TEX2: variants seen among roughly 807,000 people sequenced by gnomAD.
TEX2 encodes testis expressed 2, also known as testis-expressed protein 2.
A neutral mutation model predicts 106.9 loss-of-function variants in TEX2; 53 were observed. The observed-to-expected ratio is 0.50, with a 90% confidence interval of 0.40 to 0.62. The LOEUF is 0.62. TEX2 is among the 20% of genes least tolerant of loss of function. The pLI is 0.00. For synonymous variants in TEX2, 523 were observed against 534.8 expected (o/e 0.98, Z 0.30); for missense variants, 1,207 against 1,379.0 (o/e 0.88, Z 1.98).
chr17:64,192,097 A>T (rs1464066682), intron 4 of TEX2, among the ~76,000 whole-genome samples: 1 of 152,214 alleles, frequency 6.6e-6, no homozygotes, highest in Non-Finnish European at 1.5e-5. Context: ...GAAGCAGCAC[A>T]GGTTTAGACC....
intron 1 of TEX2, among the ~76,000 whole-genome samples, chr17:64,257,028 G>A (rs1318079388): frequency 6.6e-6 from 1 of 152,198 alleles, no homozygotes; most frequent in African/African-American, 2.4e-5. Flanking sequence ...AATCCAACGG[G>A]TAGGTTTTAA....
At chr17:64,152,318 G>C (rs1215922304) in intron 10 of TEX2, among the ~76,000 whole-genome samples, 1 of 152,084 alleles carries the variant, frequency 6.6e-6, no homozygotes, top group Non-Finnish European at 1.5e-5. Flanking sequence ...CATCACCCCC[G>C]ACCCCTGAAA....
Position 64,227,119 on chromosome 17 carries a change from G to A in TEX2, c.-25-12877C>T, listed in dbSNP as rs112334508. Among the ~76,000 whole-genome samples the A allele has an allele frequency of 7.7e-3, 1,171 of 152,072 alleles. 15 individuals are homozygous for A. Among genetic ancestry groups the A allele is most frequent in the African/African-American group, 0.026 (1,098 of 41,510 alleles). On this transcript the variant is annotated intron_variant, in intron 1 of 11. Coordinates refer to ENST00000584379, the MANE Select transcript of TEX2 (RefSeq NM_001288732.2). ...TGCGCGCCTGTAGTCCCAGCTACTC[G>A]GGAGGGTGAGGCAGGAGAATTACTT...
intron 7 of TEX2, among the ~76,000 whole-genome samples, chr17:64,167,958 G>A (rs2031217075): frequency 6.6e-6 from 1 of 152,176 alleles, no homozygotes; most frequent in African/African-American, 2.4e-5. Flanking sequence ...CTCAAGAAGA[G>A]CATCCCTAGG....
intron 11 of TEX2, 145 bp downstream of exon 11, chr17:64,150,696 T>G: frequency 1.2e-6 from 1 of 834,020 alleles, no homozygotes; most frequent in Non-Finnish European, 1.8e-6. Flanking sequence ...TATTCCCATA[T>G]TTGATCAAAT....
At chr17:64,218,409 T>G (rs1004944276) in intron 1 of TEX2, among the ~76,000 whole-genome samples, 1 of 26,912 alleles carries the variant, frequency 3.7e-5, no homozygotes, top group African/African-American at 7.1e-5. Context: ...CTTTCACTTT[T>G]TTTTTTTTTT....
At chr17:64,255,943 CA>C (rs2034176326) in intron 1 of TEX2, 1 of 152,280 alleles carries the variant, frequency 6.6e-6, no homozygotes, top group African/African-American at 2.4e-5. Flanking sequence ...CAACTGCAGG[CA>C]AGAGCAGAGG....
At chr17:64,175,087 A>G (rs1567918063) in intron 6 of TEX2, among the ~76,000 whole-genome samples, 2 of 152,204 alleles carry the variant, frequency 1.3e-5, no homozygotes, top group Non-Finnish European at 2.9e-5. Flanking sequence ...GCTATTAACC[A>G]ATACCCACTC....
At chr17:64,221,330 C>T (rs2033353470) in intron 1 of TEX2, among the ~76,000 whole-genome samples, 2 of 152,064 alleles carry the variant, frequency 1.3e-5, no homozygotes, top group African/African-American at 2.4e-5. Context: ...ACCTGCAAGT[C>T]CTGCACATGT....
At chr17:64,236,803 T>C (rs2033778807) in intron 1 of TEX2, among the ~76,000 whole-genome samples, 1 of 152,252 alleles carries the variant, frequency 6.6e-6, no homozygotes, top group South Asian at 2.1e-4. Context: ...TATAGATCTA[T>C]GGCTCTCTTA....
chr17:64,149,918 A>C (rs1425802797), intron 11 of TEX2: 1 of 74,520 alleles, frequency 1.3e-5, no homozygotes, highest in African/African-American at 8.2e-5. Flanking sequence ...ACTCTGTCTT[A>C]AAAAAAAAAA....
chr17:64,188,129 C>G (rs202099853), intron 5 of TEX2, 39 bp downstream of exon 5: 1 of 1,589,242 alleles, frequency 6.3e-7, no homozygotes, highest in African/African-American at 1.3e-5. Flanking sequence ...GTGTCTAAGT[C>G]GAAAAGTGAA....
chr17:64,153,248 C>T lies in TEX2; in HGVS notation c.2931-94G>A, dbSNP rs1598113051. 1.2e-6 allele frequency: 1 copy of T among 843,420 alleles called. No individual in the cohort carries two copies. The highest frequency in any genetic ancestry group is 2.5e-5 in the East Asian group (1 of 39,404). 52.2% of individuals were successfully genotyped at this position (843,420 alleles called of 1,614,324 possible). A position where few individuals can be genotyped will look rare whatever the true frequency, so the allele number is the denominator to read the frequency against. Reference sequence around the variant, plus strand: ...TCTTCGTTCCCCTTACTTTAGAGCACCACTCGATGTTTTGGATGTGGTGAT... The same window carrying T: ...TCTTCGTTCCCCTTACTTTAGAGCATCACTCGATGTTTTGGATGTGGTGAT... On this transcript the variant is annotated intron_variant, in intron 9 of 11. Coordinates refer to ENST00000584379, the MANE Select transcript of TEX2 (RefSeq NM_001288732.2). The surrounding 1 kb of genome is among the most constrained non-coding windows in gnomAD (Gnocchi z 4.1).
chr17:64,239,230 T>C (rs1274491841), intron 1 of TEX2: 1 of 152,210 alleles, frequency 6.6e-6, no homozygotes, highest in African/African-American at 2.4e-5. Flanking sequence ...GGTCAAATAA[T>C]GGGATGTTTA....
chr17:64,199,448 G>A (rs1251986659), intron 2 of TEX2, among the ~76,000 whole-genome samples: 1 of 152,078 alleles, frequency 6.6e-6, no homozygotes, highest in Non-Finnish European at 1.5e-5. Context: ...TGTTGGCCAG[G>A]CTGGTCTCAA....
chr17:64,167,718 C>G, intron 7 of TEX2, among the ~76,000 whole-genome samples: 1 of 152,018 alleles, frequency 6.6e-6, no homozygotes, highest in East Asian at 1.9e-4. Context: ...ACTTGGGAGG[C>G]TGAGACAGGA....
intron 1 of TEX2, among the ~76,000 whole-genome samples, chr17:64,244,596 C>CT (rs1278109683): frequency 6.6e-6 from 1 of 152,138 alleles, no homozygotes; most frequent in Non-Finnish European, 1.5e-5. Flanking sequence ...CCCAGGCAAG[C>CT]TTTTTTCTTC....
Position 64,153,366 on chromosome 17 carries a change from G to C in TEX2, c.2931-212C>G, listed in dbSNP as rs1242873652. On this transcript the variant is annotated intron_variant, in intron 9 of 11. Coordinates refer to ENST00000584379, the MANE Select transcript of TEX2 (RefSeq NM_001288732.2). The surrounding 1 kb of genome is among the most constrained non-coding windows in gnomAD (Gnocchi z 4.1). ...CCAGATGCCAATAGCACTCCCCCTAGTTATGACAATAAAAAATGTTGCCAG... is the reference window on the plus strand; with the variant it reads ...CCAGATGCCAATAGCACTCCCCCTACTTATGACAATAAAAAATGTTGCCAG... Among the ~76,000 whole-genome samples the C allele has an allele frequency of 9.9e-5, 15 of 152,160 alleles. No homozygotes were observed. Among genetic ancestry groups the C allele is most frequent in the Admixed American group, 9.8e-4 (15 of 15,276 alleles).
intron 2 of TEX2, among the ~76,000 whole-genome samples, chr17:64,210,639 T>TTTTTTTTTTTTC (rs2032972807): frequency 7.2e-6 from 1 of 139,834 alleles, no homozygotes; most frequent in Non-Finnish European, 1.6e-5. Context: ...CCCAGCTTTT[T>TTTTTTTTTTTTC]TTTTTTTTTT....
Sources: allele counts gnomAD v4.1 joint callset (sites outside exome capture counted in the v4.1 genomes callset), GRCh38; gene constraint gnomAD v4.1.1; non-coding constraint Gnocchi (gnomAD v3.1); transcripts MANE v1.5; gene names NCBI Gene and HGNC (gene_info 2026-07-23, HGNC 2026-07-21).